The following WDPCP variants were observed in gnomAD, a reference collection of about 807,000 sequenced individuals.
WDPCP encodes WD repeat-containing and planar cell polarity effector protein fritz homolog.
Under a neutral mutation model 93.1 loss-of-function variants are expected in WDPCP, and 71 were observed. That is an observed-to-expected ratio of 0.76 (90% CI 0.63 to 0.93). The LOEUF (loss-of-function observed/expected upper bound fraction) is 0.93, where lower values mean the gene tolerates loss of function less well. Among genes scored for constraint, WDPCP ranks in the 40% least tolerant of loss-of-function variants. The probability of loss-of-function intolerance (pLI) is 0.00; values close to 1 mark genes in which losing one functional copy is unlikely to be tolerated. For synonymous variants in WDPCP, 315 were observed against 315.0 expected (o/e 1.00, Z 0.00); for missense variants, 844 against 887.4 (o/e 0.95, Z 0.62).
intron 9 of WDPCP, among the ~76,000 whole-genome samples, chr2:63,413,175 C>T (rs1459441766): frequency 6.6e-6 from 1 of 152,162 alleles, no homozygotes; most frequent in African/African-American, 2.4e-5. Flanking sequence ...AAAATATGCA[C>T]ACAGGCCAAT....
chr2:63,529,613 T>C (rs1041101455), intron 1 of WDPCP, among the ~76,000 whole-genome samples: 1 of 152,202 alleles, frequency 6.6e-6, no homozygotes. Context: ...TGGATTCGGT[T>C]TGCCAGTGTT....
chr2:63,562,361 TAG>T (rs1558811722), intron 1 of WDPCP, among the ~76,000 whole-genome samples: 2 of 151,926 alleles, frequency 1.3e-5, no homozygotes, highest in Admixed American at 6.6e-5. Context: ...ACACACTGGG[TAG>T]AGCCTGTCGG....
chr2:63,302,418 G>A (rs1685400653), intron 13 of WDPCP, among the ~76,000 whole-genome samples: 1 of 152,190 alleles, frequency 6.6e-6, no homozygotes, highest in South Asian at 2.1e-4. Flanking sequence ...GAAACTACCA[G>A]ACTTTTCTAT....
chr2:63,298,216 C>T (rs1342769419), intron 13 of WDPCP, among the ~76,000 whole-genome samples: 1 of 152,158 alleles, frequency 6.6e-6, no homozygotes, highest in East Asian at 1.9e-4. Flanking sequence ...GAGGGATAGG[C>T]CCCCATGTGG....
intron 2 of WDPCP, among the ~76,000 whole-genome samples, chr2:63,796,209 G>A (rs1462681932): frequency 2.0e-5 from 3 of 152,214 alleles, no homozygotes; most frequent in Admixed American, 6.5e-5. Context: ...CTTATACTAA[G>A]TACGAAGCTG....
chr2:63,256,894 A>G (rs1681197777), intron 14 of WDPCP, among the ~76,000 whole-genome samples: 1 of 152,146 alleles, frequency 6.6e-6, no homozygotes, highest in Non-Finnish European at 1.5e-5. Context: ...TAATGTTACA[A>G]ATCTGGACAG....
chr2:63,620,157 A>G (rs968622969), intron 3 of WDPCP, among the ~76,000 whole-genome samples: 4 of 152,114 alleles, frequency 2.6e-5, no homozygotes, highest in African/African-American at 9.7e-5. Context: ...GGCACCTGGA[A>G]CACCAGTGTG....
intron 1 of WDPCP, among the ~76,000 whole-genome samples, chr2:63,501,726 C>T (rs1351722283): frequency 2.7e-5 from 4 of 150,298 alleles, no homozygotes; most frequent in African/African-American, 9.7e-5. Flanking sequence ...AGGCAATTCT[C>T]CTGCCTCAGT....
At chr2:63,840,168 G>A in the WDPCP span, among the ~76,000 whole-genome samples, 1 of 152,208 alleles carries the variant, frequency 6.6e-6, no homozygotes, top group African/African-American at 2.4e-5. Flanking sequence ...GAGTCTTAAA[G>A]TGGAAATGCA....
At chr2:63,342,838 A>G (rs188445331) in intron 12 of WDPCP, among the ~76,000 whole-genome samples, 1 of 152,076 alleles carries the variant, frequency 6.6e-6, no homozygotes, top group African/African-American at 2.4e-5. Flanking sequence ...ATTTCTTTCT[A>G]TGGCTTTGAG....
chr2:63,555,968 C>T (rs968983591), intron 1 of WDPCP, among the ~76,000 whole-genome samples: 1 of 152,138 alleles, frequency 6.6e-6, no homozygotes, highest in East Asian at 1.9e-4. Flanking sequence ...TCCTCTCCAG[C>T]AAGGGCACAG....
rs561306682 is a variant in WDPCP, at chr2:63,598,528, T to G, written n.488+52131A>C. ...AGGTTTAACTGATTTCCATATACTTTCCTATCTTTCAAAAAAAGGTGAAAG... is the reference window on the plus strand; with the variant it reads ...AGGTTTAACTGATTTCCATATACTTGCCTATCTTTCAAAAAAAGGTGAAAG... On this transcript the variant is annotated intron_variant and non_coding_transcript_variant, in intron 3 of 4. Transcript: ENST00000467687. Among the ~76,000 whole-genome samples the G allele has an allele frequency of 5.9e-5, 9 of 152,330 alleles. No homozygotes were observed. In the East Asian group the frequency reaches 1.3e-3, roughly 23 times the overall value.
chr2:63,565,033 C>T (rs935300811), intron 1 of WDPCP, among the ~76,000 whole-genome samples: 2 of 152,154 alleles, frequency 1.3e-5, no homozygotes, highest in African/African-American at 4.8e-5. Context: ...GCCTTGGCCT[C>T]CAAAGGTGCT....
chr2:63,783,490 AT>A (rs1279677484), intron 2 of WDPCP, among the ~76,000 whole-genome samples: 1 of 152,200 alleles, frequency 6.6e-6, no homozygotes, highest in Non-Finnish European at 1.5e-5. Context: ...TTGCAGCTCT[AT>A]TCGCAACAGC....
At chr2:63,500,612 CT>C (rs1701491850) in intron 1 of WDPCP, among the ~76,000 whole-genome samples, 1 of 152,154 alleles carries the variant, frequency 6.6e-6, no homozygotes, top group Non-Finnish European at 1.5e-5. Flanking sequence ...TGTGGTTCTA[CT>C]GTTCTGAATG....
chr2:63,659,671 G>C (rs1416261576), intron 2 of WDPCP, among the ~76,000 whole-genome samples: 2 of 152,180 alleles, frequency 1.3e-5, no homozygotes, highest in African/African-American at 4.8e-5. Context: ...TCTATATTGT[G>C]AGAGAATGCA....
chr2:63,694,424 T>C (rs917082076), intron 2 of WDPCP, among the ~76,000 whole-genome samples: 6 of 152,108 alleles, frequency 3.9e-5, no homozygotes, highest in Non-Finnish European at 8.8e-5. Flanking sequence ...TCAAGTATTG[T>C]AGGACATGTA....
chr2:63,631,156 C>T (rs903614317), intron 3 of WDPCP, among the ~76,000 whole-genome samples: 2 of 151,996 alleles, frequency 1.3e-5, no homozygotes, highest in Non-Finnish European at 1.5e-5. Flanking sequence ...CAGTGCACAC[C>T]TGTAATCCCA....
intron 6 of WDPCP, among the ~76,000 whole-genome samples, chr2:63,455,955 A>C (rs1698594824): frequency 6.6e-6 from 1 of 152,224 alleles, no homozygotes; most frequent in Non-Finnish European, 1.5e-5. Flanking sequence ...AAAGTTTGAA[A>C]ATGGAAATCA....
Sources: gnomAD v4.1 joint callset for allele counts (sites outside exome capture counted in the v4.1 genomes callset) on GRCh38, gnomAD v4.1.1 for gene constraint, MANE v1.5 for transcripts, NCBI Gene and HGNC (gene_info 2026-07-23, HGNC 2026-07-21) for gene names.